Variants in EML6 observed in about 807,000 individuals in gnomAD.
The protein encoded by EML6 is echinoderm microtubule-associated protein-like 6.
EML6 carries 154 observed loss-of-function variants against 240.1 expected under a neutral mutation model. The ratio of observed to expected loss-of-function variants is 0.64; its 90% confidence interval spans 0.56 to 0.73. EML6 has a LOEUF of 0.73. Ranked by LOEUF, EML6 falls within the 30% of genes least tolerant of loss-of-function variation. EML6 has a pLI of 0.00. For missense variants in EML6, 2,964 were observed against 2,474.6 expected, an observed-to-expected ratio of 1.20 and a Z score of -4.20; for synonymous variants, 1,148 against 899.0, an observed-to-expected ratio of 1.28 and a Z score of -4.95.
intron 7 of EML6, among the ~76,000 whole-genome samples, chr2:54,833,273 AT>A (rs1223829392): frequency 6.6e-6 from 1 of 152,226 alleles, no homozygotes; most frequent in African/African-American, 2.4e-5. Flanking sequence ...CATCTATAAG[AT>A]TTACAAAATG....
At chr2:54,812,152 A>T (rs1401916783) in intron 2 of EML6, among the ~76,000 whole-genome samples, 3 of 152,186 alleles carry the variant, frequency 2.0e-5, no homozygotes, top group Non-Finnish European at 1.5e-5. Flanking sequence ...TAAGTACTCT[A>T]GATTGACTAT....
chr2:54,880,010 C>G (rs1401841264), intron 17 of EML6: 1 of 167,092 alleles, frequency 6.0e-6, no homozygotes, highest in Non-Finnish European at 1.3e-5. Flanking sequence ...GTCAATGTCA[C>G]CAGAATCAGA....
chr2:54,970,021 C>A, intron 41 of EML6, 50 bp from the exon 42 acceptor site: 1 of 1,546,916 alleles, frequency 6.5e-7, no homozygotes, highest in Non-Finnish European at 8.8e-7. Context: ...CCACTTGACA[C>A]AAGTATGATG....
At position 54,811,233 on chromosome 2, in the gene EML6, C is replaced by T. The variant is rs548088968; in HGVS notation, c.198-1999C>T. 8.2e-4 allele frequency among the ~76,000 whole-genome samples: 125 copies of T among 152,264 alleles called. 1 individual carries two copies. The highest frequency in any genetic ancestry group is 2.7e-3 in the African/African-American group (113 of 41,542). Reference sequence around the variant, plus strand: ...AGGATTACCTTCCTAAATTATGGAACTGTTTATGCTGTGTCCTGCTGAAAA... The same window carrying T: ...AGGATTACCTTCCTAAATTATGGAATTGTTTATGCTGTGTCCTGCTGAAAA... On this transcript the variant is annotated intron_variant, in intron 2 of 41. Coordinates refer to ENST00000356458, the MANE Select transcript of EML6 (RefSeq NM_001039753.4).
chr2:54,959,108 A>G lies in EML6; in HGVS notation c.4700A>G (p.Asn1567Ser), dbSNP rs535783361. ...TMLSVAFGAN[N>S]LTFTGAINGD... ...AAGATGTTGTTTTGTTTACAGAACA[A>G]TCTCACTTTCACGGGTGCCATCAAT... The change falls in exon 34 of 42, where the codon AAT becomes AGT. Residue 1567 changes from asparagine to serine, a missense_variant. Transcript: ENST00000356458. 6.5e-6 allele frequency: 10 copies of G among 1,550,052 alleles called. No individual in the cohort carries two copies. In the African/African-American group the frequency reaches 6.8e-5, roughly 11 times the overall value.
intron 17 of EML6, chr2:54,881,307 A>G (rs996315310): frequency 3.9e-5 from 6 of 152,198 alleles, no homozygotes; most frequent in Admixed American, 3.9e-4. Flanking sequence ...AAATTTAGAC[A>G]AATAAATAAA....
At chr2:54,862,028 C>CT (rs1192590363) in intron 12 of EML6, among the ~76,000 whole-genome samples, 7 of 151,924 alleles carry the variant, frequency 4.6e-5, no homozygotes, top group Admixed American at 2.6e-4. Context: ...AGTTTTGGTA[C>CT]TTTTGAAATA....
chr2:54,831,264 C>G (rs1668855767), intron 7 of EML6, among the ~76,000 whole-genome samples: 1 of 152,186 alleles, frequency 6.6e-6, no homozygotes, highest in Non-Finnish European at 1.5e-5. Flanking sequence ...TTGGCAGTTA[C>G]TCCATTTAAC....
chr2:54,964,785 T>A (rs1676677061), intron 38 of EML6, 52 bp downstream of exon 38: 2 of 1,513,820 alleles, frequency 1.3e-6, no homozygotes, highest in Non-Finnish European at 1.8e-6. Flanking sequence ...ACAGCAGTAA[T>A]AACAATGGCC....
chr2:54,895,248 T>A, intron 20 of EML6, 25 bp from the exon 21 acceptor site: 1 of 1,550,998 alleles, frequency 6.4e-7, no homozygotes, highest in Non-Finnish European at 8.7e-7. Flanking sequence ...TGTTATTGTG[T>A]TAAATATACC....
At chr2:54,958,179 T>C (rs1013794689) in intron 33 of EML6, among the ~76,000 whole-genome samples, 181 bp downstream of exon 33, 6 of 152,062 alleles carry the variant, frequency 3.9e-5, no homozygotes, top group African/African-American at 1.4e-4. Context: ...TATGGGTGGG[T>C]TGGCAACATA....
At chr2:54,797,369 C>T (rs1271752489) in intron 2 of EML6, among the ~76,000 whole-genome samples, 1 of 151,958 alleles carries the variant, frequency 6.6e-6, no homozygotes, top group Non-Finnish European at 1.5e-5. Flanking sequence ...GGCCTTGAGA[C>T]CTCTCTCAAA....
At chr2:54,797,169 A>ACAAAAAAAAAAAAAAAAAAC (rs1669841831) in intron 2 of EML6, among the ~76,000 whole-genome samples, 1 of 133,480 alleles carries the variant, frequency 7.5e-6, no homozygotes, top group South Asian at 2.4e-4. Context: ...CATCTCAAAA[A>ACAAAAAAAAAAAAAAAAAAC]AAAAAAAAAA....
At chr2:54,925,977 T>C (rs1391637268) in intron 26 of EML6, among the ~76,000 whole-genome samples, 2 of 152,182 alleles carry the variant, frequency 1.3e-5, no homozygotes, top group African/African-American at 4.8e-5. Flanking sequence ...GAGAGAAACT[T>C]TGCATGGAAA....
At chr2:54,806,938 C>G (rs1354568032) in intron 2 of EML6, among the ~76,000 whole-genome samples, 1 of 152,094 alleles carries the variant, frequency 6.6e-6, no homozygotes, top group African/African-American at 2.4e-5. Flanking sequence ...CAGTGATGCA[C>G]TTGTCACGGA....
At chr2:54,966,238 T>G (rs1282197560) in intron 38 of EML6, among the ~76,000 whole-genome samples, 1 of 152,244 alleles carries the variant, frequency 6.6e-6, no homozygotes, top group East Asian at 1.9e-4. Flanking sequence ...TAGATGCACT[T>G]CCTCTCAGCA....
chr2:54,923,022 A>T (rs1424993869), intron 26 of EML6, among the ~76,000 whole-genome samples: 1 of 144,924 alleles, frequency 6.9e-6, no homozygotes, highest in Non-Finnish European at 1.5e-5. Context: ...GCTCACCGCA[A>T]CCTCTGCCTC....
chr2:54,968,582 G>C (rs147502012), intron 40 of EML6, 86 bp from the exon 41 acceptor site: 1 of 808,614 alleles, frequency 1.2e-6, no homozygotes, highest in African/African-American at 1.7e-5. Flanking sequence ...GGTTCTGGGA[G>C]CAGGGGATTT....
At chr2:54,791,014 C>T (rs1572901454) in intron 2 of EML6, among the ~76,000 whole-genome samples, 1 of 152,138 alleles carries the variant, frequency 6.6e-6, no homozygotes. Context: ...CGTGAGCCAC[C>T]GCGCCCGGCC....
Sources: allele counts gnomAD v4.1 joint callset (sites outside exome capture counted in the v4.1 genomes callset), GRCh38; gene constraint gnomAD v4.1.1; transcripts MANE v1.5; gene names NCBI Gene and HGNC (gene_info 2026-07-23, HGNC 2026-07-21).